BTBD16: variants seen among roughly 807,000 people sequenced by gnomAD.
BTBD16 encodes the protein BTB domain containing 16.
A neutral mutation model predicts 67.4 loss-of-function variants in BTBD16; 66 were observed. The observed-to-expected ratio is 0.98, with a 90% CI of 0.80 to 1.20. BTBD16 has a LOEUF of 1.20. BTBD16 is among the 50% of genes most tolerant of loss of function. BTBD16 has a pLI of 0.00. For synonymous variants in BTBD16, 242 were observed against 236.4 expected (o/e 1.02, Z -0.22); for missense variants, 634 against 616.0 (o/e 1.03, Z -0.31).
At chr10:122,277,766 A>T (rs374906304) in intron 3 of BTBD16, among the ~76,000 whole-genome samples, 1 of 152,126 alleles carries the variant, frequency 6.6e-6, no homozygotes, top group East Asian at 1.9e-4. Flanking sequence ...TGCCCTTATG[A>T]CCAAAATGCC....
At chr10:122,283,569 A>C (rs1319214921) in intron 3 of BTBD16, among the ~76,000 whole-genome samples, 1 of 152,188 alleles carries the variant, frequency 6.6e-6, no homozygotes, top group Non-Finnish European at 1.5e-5. Flanking sequence ...TTAGACACTG[A>C]ATAAGGTGTC....
chr10:122,319,051 AC>A (rs2096431131), intron 10 of BTBD16, among the ~76,000 whole-genome samples: 1 of 152,030 alleles, frequency 6.6e-6, no homozygotes, highest in Non-Finnish European at 1.5e-5. Context: ...GTCTGTTCAA[AC>A]CTTTGGCCCA....
At chr10:122,275,524 C>G (rs1191777508) in intron 2 of BTBD16, among the ~76,000 whole-genome samples, 3 of 152,172 alleles carry the variant, frequency 2.0e-5, no homozygotes, top group Non-Finnish European at 2.9e-5. Context: ...CACCACCACC[C>G]ATTATTTCCA....
At chr10:122,335,307 T>A (rs559955048) in intron 14 of BTBD16, among the ~76,000 whole-genome samples, 1 of 152,326 alleles carries the variant, frequency 6.6e-6, no homozygotes, top group East Asian at 1.9e-4. Flanking sequence ...ATACATACAA[T>A]TCAGTTATTC....
intron 10 of BTBD16, 61 bp from the exon 11 acceptor site, chr10:122,329,419 G>A (rs1380070559): frequency 2.2e-5 from 34 of 1,535,006 alleles, no homozygotes; most frequent in Non-Finnish European, 2.8e-5. Context: ...TCCCTAGCCC[G>A]AGCTAATTCC....
intron 10 of BTBD16, among the ~76,000 whole-genome samples, chr10:122,313,846 T>C (rs749298649): frequency 2.0e-5 from 3 of 152,226 alleles, no homozygotes; most frequent in African/African-American, 4.8e-5. Flanking sequence ...ATGTGTTAAA[T>C]GTTAGTGTCA....
chr10:122,297,650 G>C, intron 7 of BTBD16, 118 bp from the exon 8 acceptor site: 4 of 1,095,052 alleles, frequency 3.7e-6, no homozygotes, highest in Non-Finnish European at 5.5e-6. Context: ...CTAAAGCGAG[G>C]CTCCCTTCCG....
chr10:122,284,673 A>ATTTTTTTTTTTTTTTTTT, intron 4 of BTBD16, among the ~76,000 whole-genome samples: 1 of 124,690 alleles, frequency 8.0e-6, no homozygotes, highest in Non-Finnish European at 1.7e-5. Context: ...CTTAAAGTGG[A>ATTTTTTTTTTTTTTTTTT]TTTTTTTTTT....
At chr10:122,333,586 A>G (rs2096458389) in intron 13 of BTBD16, among the ~76,000 whole-genome samples, 1 of 152,046 alleles carries the variant, frequency 6.6e-6, no homozygotes, top group Non-Finnish European at 1.5e-5. Context: ...GGCATGGTGA[A>G]TGTTGGGGTG....
In BTBD16 at chr10:122,299,008, AG is replaced by A; in HGVS notation, c.667del (p.Glu223LysfsTer14). On this transcript the variant is annotated frameshift_variant, in exon 9 of 16. Transcript: ENST00000260723. LOFTEE classifies it high-confidence loss of function. ...KKFYEAGCKY[K>X]EEQLTTGCEK... is the part of the protein sequence containing the mutation. ...ACTGGCTTTTTTTTGTCTTAGTACAAGGAAGAGCAGCTCACCACCGGCTGCG... is the reference window on the plus strand; with the variant it reads ...ACTGGCTTTTTTTTGTCTTAGTACAAGAAGAGCAGCTCACCACCGGCTGCG... The A allele has an allele frequency of 1.2e-6, 2 of 1,613,758 alleles. No individual in the cohort carries two copies. Among genetic ancestry groups the A allele is most frequent in the East Asian group, 2.2e-5 (1 of 44,874 alleles).
At position 122,271,825 on chromosome 10, in the gene BTBD16, AG is replaced by A. The variant is rs574016822; in HGVS notation, c.-43+312del. 3.6e-3 allele frequency among the ~76,000 whole-genome samples: 542 copies of A among 152,290 alleles called. 9 individuals are homozygous for A. Among genetic ancestry groups the A allele is most frequent in the African/African-American group, 0.013 (524 of 41,572 alleles). ...TCTGGATTTCAAGATCAGCTAAAAA[AG>A]TTCTTAGATATTGATCTAAGAAAGC... On this transcript the variant is annotated intron_variant, in intron 1 of 15. Transcript: ENST00000260723.
intron 7 of BTBD16, among the ~76,000 whole-genome samples, chr10:122,293,424 G>C (rs1432401295): frequency 6.6e-6 from 1 of 152,184 alleles, no homozygotes; most frequent in Non-Finnish European, 1.5e-5. Flanking sequence ...GCCTCGTTGG[G>C]AACGCAGGTG....
chr10:122,312,716 G>A (rs1167105184), intron 10 of BTBD16, among the ~76,000 whole-genome samples: 2 of 152,164 alleles, frequency 1.3e-5, no homozygotes, highest in African/African-American at 4.8e-5. Flanking sequence ...TTATATATTT[G>A]TTAGCCATTG....
chr10:122,286,583 A>G (rs2096364259), intron 5 of BTBD16, among the ~76,000 whole-genome samples: 1 of 152,052 alleles, frequency 6.6e-6, no homozygotes, highest in African/African-American at 2.4e-5. Context: ...GACTCTACCT[A>G]CTTCTTTGAA....
chr10:122,312,374 A>G (rs965304412), intron 10 of BTBD16, among the ~76,000 whole-genome samples: 3 of 134,194 alleles, frequency 2.2e-5, no homozygotes, highest in South Asian at 4.5e-4. Flanking sequence ...GTGCGGTGGC[A>G]TAGTCTCAGC....
At chr10:122,332,400 T>G in intron 12 of BTBD16, 36 bp from the exon 13 acceptor site, 1 of 1,607,082 alleles carries the variant, frequency 6.2e-7, no homozygotes, top group Non-Finnish European at 8.5e-7. Flanking sequence ...GTCCAGAGGA[T>G]CCCACCGTGG....
chr10:122,323,775 A>T (rs75719404), intron 10 of BTBD16, among the ~76,000 whole-genome samples: 145 of 152,270 alleles, frequency 9.5e-4, no homozygotes, highest in African/African-American at 3.4e-3. Context: ...TTCATTTTGC[A>T]GTTGAATAAG....
Position 122,289,959 on chromosome 10 carries a change from A to T in BTBD16, c.436A>T (p.Ile146Phe). ...KEKSPAKRII[I>F]SLKINDPLVT... ...AAAATCCCCTGCAAAGAGGATCATC[A>T]TTTCCTTGAAGATCAATGACCCACT... Residue 146 changes from isoleucine (I) to phenylalanine (F), a missense_variant, in exon 6 of 16, where the codon ATT becomes TTT. Physicochemically the swap from Ile to Phe is conservative, Grantham distance 21. Coordinates refer to ENST00000260723, the MANE Select transcript of BTBD16 (RefSeq NM_144587.5). 1 of 1,613,842 alleles carries T rather than the reference A, an allele frequency of 6.2e-7. No individual in the cohort carries two copies. The highest frequency in any genetic ancestry group is 8.5e-7 in the Non-Finnish European group (1 of 1,179,882).
intron 3 of BTBD16, 142 bp downstream of exon 3, chr10:122,277,081 C>T: frequency 1.1e-6 from 1 of 886,528 alleles, no homozygotes. Flanking sequence ...AGCCAGCTCT[C>T]AGGCATGGAC....
Sources: allele counts gnomAD v4.1 joint callset (sites outside exome capture counted in the v4.1 genomes callset), GRCh38; gene constraint gnomAD v4.1.1; transcripts MANE v1.5; gene names NCBI Gene and HGNC (gene_info 2026-07-23, HGNC 2026-07-21).